Variants in ECI2 observed in about 807,000 individuals in gnomAD.
ECI2 encodes enoyl-CoA delta isomerase 2.
In ECI2, 27 loss-of-function variants were observed where a neutral mutation model predicts 38.4. The ratio of observed to expected loss-of-function variants is 0.70; its 90% CI spans 0.52 to 0.97. The LOEUF is 0.97. Ranked by LOEUF, ECI2 falls within the 50% of genes least tolerant of loss-of-function variation. The probability of loss-of-function intolerance (pLI) is 0.00; values close to 1 mark genes in which losing one functional copy is unlikely to be tolerated. For missense variants in ECI2, 470 were observed against 474.4 expected (o/e 0.99, Z 0.09); for synonymous variants, 168 against 172.0 (o/e 0.98, Z 0.18).
intron 4 of ECI2, among the ~76,000 whole-genome samples, chr6:4,129,441 CTTAT>C (rs1773389546): frequency 6.6e-6 from 1 of 152,026 alleles, no homozygotes; most frequent in Non-Finnish European, 1.5e-5. Flanking sequence ...GGTTTTGCTG[CTTAT>C]TTGTTATGTG....
intron 1 of ECI2, among the ~76,000 whole-genome samples, chr6:4,134,337 G>T (rs978422900): frequency 6.6e-6 from 1 of 152,166 alleles, no homozygotes; most frequent in African/African-American, 2.4e-5. Context: ...AGTCAGTGAA[G>T]GGGGCTCAGC....
intron 9 of ECI2, 50 bp from the exon 10 acceptor site, chr6:4,116,079 G>A (rs759392389): frequency 2.0e-5 from 31 of 1,572,248 alleles, no homozygotes; most frequent in Admixed American, 2.0e-4. Flanking sequence ...TAGGCTGGAC[G>A]TGGACTCATG....
At position 4,135,551 on chromosome 6, in the gene ECI2, C is replaced by T; in HGVS notation, c.10G>A (p.Ala4Thr). The change falls in exon 1 of 10, where the codon GCG (alanine) becomes ACG (threonine). Residue 4 changes from alanine (A) to threonine (T), a missense_variant. Physicochemically the swap from Ala to Thr is moderately conservative, Grantham distance 58 (BLOSUM62 0). Transcript: ENST00000380118. MAM[A>T]YLAWRLARRS... ...CGCGCCAGTCTCCAAGCCAAGTACG[C>T]CATCGCCATCCCTTGGGCGGCTCTA... The T allele has an allele frequency of 6.2e-7, 1 of 1,610,146 alleles. No homozygotes were observed.
At chr6:4,119,689 A>C (rs1016375591) in intron 7 of ECI2, among the ~76,000 whole-genome samples, 1 of 152,200 alleles carries the variant, frequency 6.6e-6, no homozygotes, top group African/African-American at 2.4e-5. Flanking sequence ...TTATTTAAAA[A>C]TTAAGATTAT....
Position 4,133,611 on chromosome 6 carries a change from T to C in ECI2, c.151A>G (p.Lys51Glu). ...TTTCCTGGATCCTTTTTCAAGAGTT[T>C]CACTTGATTCATTGAATTTTCAAAG... The part of the protein sequence containing the change: ...KDFENSMNQV[K>E]LLKKDPGNEV... Residue 51 changes from lysine (K) to glutamate (E), a missense_variant, in exon 2 of 10, where the codon AAA (lysine) becomes GAA (glutamate). Transcript: ENST00000380118. 6.2e-7 allele frequency: 1 copy of C among 1,614,066 alleles called. No individual in the cohort carries two copies. The highest frequency in any genetic ancestry group is 8.5e-7 in the Non-Finnish European group (1 of 1,179,976).
intron 2 of ECI2, among the ~76,000 whole-genome samples, chr6:4,132,118 G>A (rs181382822): frequency 2.6e-4 from 39 of 152,272 alleles, no homozygotes; most frequent in Admixed American, 8.5e-4. Flanking sequence ...CTCACTGCAA[G>A]CTGTTAAACG....
chr6:4,115,755 T>C lies in ECI2; in HGVS notation c.*119A>G. The C allele has an allele frequency of 5.1e-6, 7 of 1,373,826 alleles. No homozygotes were observed. The highest frequency in any genetic ancestry group is 4.7e-5 in the East Asian group (2 of 42,932). 85.1% of individuals were successfully genotyped at this position (1,373,826 alleles called of 1,614,324 possible). On this transcript the variant is annotated 3_prime_UTR_variant, in exon 10 of 10. Transcript: ENST00000380118. ...TCAGAGCTGTAGTGAAATATCATCA[T>C]TGTAATTGATATTCTAGCACTACAA... is the stretch of plus-strand genomic sequence containing the variant.
chr6:4,133,916 CTT>C, intron 1 of ECI2: 2 of 482,348 alleles, frequency 4.1e-6, no homozygotes, highest in Non-Finnish European at 6.8e-6. Context: ...ACAGTAGTAA[CTT>C]TAAATAAAAG....
chr6:4,133,625 G>A lies in ECI2; in HGVS notation c.137C>T (p.Ser46Leu), dbSNP rs770425769. 8 of 1,613,814 alleles carry A rather than the reference G, an allele frequency of 5.0e-6. No homozygotes were observed. The highest frequency in any genetic ancestry group is 5.9e-6 in the Non-Finnish European group (7 of 1,179,908). The change falls in exon 2 of 10, where the codon TCA becomes TTA. Residue 46 changes from serine (S) to leucine (L), a missense_variant. Transcript: ENST00000380118. Reference sequence around the variant, plus strand: ...TTTCAAGAGTTTCACTTGATTCATTGAATTTTCAAAGTCCTTCTGACTGGC... The same window carrying A: ...TTTCAAGAGTTTCACTTGATTCATTAAATTTTCAAAGTCCTTCTGACTGGC... Reference protein sequence around the residue: ...MRASQKDFENSMNQVKLLKKD... With the variant: ...MRASQKDFENLMNQVKLLKKD...
intron 7 of ECI2, among the ~76,000 whole-genome samples, chr6:4,119,892 C>G (rs1772577874): frequency 6.6e-6 from 1 of 151,330 alleles, no homozygotes; most frequent in South Asian, 2.1e-4. Context: ...TTTTCTGTCC[C>G]TACAGTTTTG....
In ECI2 at chr6:4,127,750, A is replaced by G. The variant is rs1187091379; in HGVS notation, c.571+12T>C. The G allele has an allele frequency of 6.2e-7, 1 of 1,606,920 alleles. No individual in the cohort carries two copies. The highest frequency in any genetic ancestry group is 1.3e-5 in the African/African-American group (1 of 74,518). On this transcript the variant is annotated intron_variant, in intron 5 of 9. Transcript: ENST00000380118. ...TAGAAATTTAATTAGGATGCCTGAG[A>G]AAATGTCTTACCTGTTAAAACAGTG...
intron 1 of ECI2, 77 bp downstream of exon 1, chr6:4,135,434 C>T: frequency 1.2e-6 from 2 of 1,606,172 alleles, no homozygotes; most frequent in Non-Finnish European, 1.7e-6. Flanking sequence ...GAGGGTCTTC[C>T]AACGGCGGCG....
chr6:4,119,780 C>T lies in ECI2; in HGVS notation c.796-505G>A, dbSNP rs9328219. Among the ~76,000 whole-genome samples, 411 of 152,286 alleles carry T rather than the reference C, an allele frequency of 2.7e-3. 2 individuals carry two copies. The highest frequency in any genetic ancestry group is 9.0e-3 in the African/African-American group (374 of 41,558). On this transcript the variant is annotated intron_variant, in intron 7 of 9. Coordinates refer to ENST00000380118, the MANE Select transcript of ECI2 (RefSeq NM_206836.3). ...GAACAAATAGAGAGTTACATAGCCA[C>T]CACCACTACTGACATGCGGAACATT...
At chr6:4,122,365 C>T (rs559220263) in intron 7 of ECI2, among the ~76,000 whole-genome samples, 6 of 151,992 alleles carry the variant, frequency 3.9e-5, no homozygotes, top group African/African-American at 9.7e-5. Flanking sequence ...GGATTATAGG[C>T]GTGCACCACC....
chr6:4,121,967 T>C, intron 7 of ECI2: 1 of 1,581,986 alleles, frequency 6.3e-7, no homozygotes, highest in Non-Finnish European at 8.6e-7. Context: ...TTCAAAAAAA[T>C]GTACCCAGAA....
intron 9 of ECI2, 114 bp downstream of exon 9, chr6:4,117,194 G>C: frequency 7.7e-7 from 1 of 1,298,066 alleles, no homozygotes; most frequent in East Asian, 2.4e-5. Flanking sequence ...GATGTGCTTA[G>C]AGGTAACTAA....
chr6:4,130,200 C>A (rs1428776076), intron 4 of ECI2, 172 bp downstream of exon 4: 1 of 1,613,686 alleles, frequency 6.2e-7, no homozygotes, highest in Non-Finnish European at 8.5e-7. Context: ...AAACTCTAAA[C>A]AATGAATGCT....
intron 4 of ECI2, among the ~76,000 whole-genome samples, chr6:4,129,062 A>G (rs1031759277): frequency 4.6e-5 from 7 of 152,138 alleles, no homozygotes; most frequent in Non-Finnish European, 7.4e-5. Context: ...TGGTGAGACC[A>G]GGATTAAGAG....
Position 4,130,793 on chromosome 6 carries a change from A to T in ECI2, c.286T>A (p.Trp96Arg), listed in dbSNP as rs979425344. 6.2e-7 allele frequency: 1 copy of T among 1,614,200 alleles called. No homozygotes were observed. Among genetic ancestry groups the T allele is most frequent in the African/African-American group, 1.3e-5 (1 of 75,048 alleles). ...DLINKAKWDA[W>R]NALGSLPKEA... ...TTGGGCAGGCTGCCAAGGGCATTCCATGCGTCCCATTTGGCCTTGTTGATC... is the reference window on the plus strand; with the variant it reads ...TTGGGCAGGCTGCCAAGGGCATTCCTTGCGTCCCATTTGGCCTTGTTGATC... Residue 96 changes from tryptophan to arginine, a missense_variant, in exon 3 of 10, where the codon TGG becomes AGG. Trp to Arg is a moderately radical substitution (Grantham distance 101). Transcript: ENST00000380118.
Sources: gnomAD v4.1 joint callset for allele counts (sites outside exome capture counted in the v4.1 genomes callset) on GRCh38, gnomAD v4.1.1 for gene constraint, MANE v1.5 for transcripts, NCBI Gene and HGNC (gene_info 2026-07-23, HGNC 2026-07-21) for gene names.